The following MFSD2A variants were observed in gnomAD, a reference collection of about 807,000 sequenced individuals.
MFSD2A encodes the protein MFSD2 lysolipid transporter A, lysophospholipid, also known as sodium-dependent lysophosphatidylcholine symporter 1.
MFSD2A carries 27 observed loss-of-function variants against 64.7 expected under a neutral mutation model. The ratio of observed to expected loss-of-function variants is 0.42; its 90% CI spans 0.31 to 0.58. The LOEUF (loss-of-function observed/expected upper bound fraction) is 0.58. Among genes scored for constraint, MFSD2A ranks in the 20% least tolerant of loss-of-function variants. The pLI, the probability that MFSD2A is intolerant of heterozygous loss-of-function variation, is 0.18. For synonymous variants in MFSD2A, 258 were observed against 273.4 expected, an observed-to-expected ratio of 0.94 and a Z score of 0.55; for missense variants, 474 against 679.5, an observed-to-expected ratio of 0.70 and a Z score of 3.36.
Position 39,958,530 on chromosome 1 carries a change from C to A in MFSD2A, c.229-171C>A. 1 of 984,106 alleles carries A rather than the reference C, an allele frequency of 1.0e-6. No homozygotes were observed. 61.0% of individuals were successfully genotyped at this position (984,106 alleles called of 1,614,324 possible). A position where few individuals can be genotyped will look rare whatever the true frequency, so the allele number is the denominator to read the frequency against. On this transcript the variant is annotated intron_variant, in intron 2 of 13. Transcript: ENST00000372811. This position sits in a 1 kb window ranked among gnomAD's most constrained non-coding sequence, Gnocchi z 4.7. ...CAGTGCTACTGTTATTGGAGAAATG[C>A]TATTGTCATTATTAACAAGGCAAGT... is the stretch of plus-strand genomic sequence containing the variant.
At position 39,955,933 on chromosome 1, in the gene MFSD2A, C is replaced by T; in HGVS notation, c.93+548C>T. 5.0e-6 allele frequency: 1 copy of T among 199,432 alleles called. No homozygotes were observed. The highest frequency in any genetic ancestry group is 5.4e-5 in the South Asian group (1 of 18,534). 12.4% of individuals were successfully genotyped at this position (199,432 alleles called of 1,614,324 possible). On this transcript the variant is annotated intron_variant, in intron 1 of 13. Transcript: ENST00000372811. This position sits in a 1 kb window ranked among gnomAD's most constrained non-coding sequence, Gnocchi z 5.9. The stretch of plus-strand genomic sequence containing the variant: ...CTTTGCGCATCGAGACCATCGACCA[C>T]ATCCCCAGCCCTGGGGACTTATTGA...
chr1:39,965,037 G>T lies in MFSD2A; in HGVS notation c.354-174G>T, dbSNP rs761012228. 5.0e-6 allele frequency: 4 copies of T among 805,448 alleles called. No homozygotes were observed. Among genetic ancestry groups the T allele is most frequent in the Non-Finnish European group, 7.6e-6 (4 of 523,324 alleles). 49.9% of individuals were successfully genotyped at this position (805,448 alleles called of 1,614,324 possible). Reference sequence around the variant, plus strand: ...AGTTCCCATCTGCCATTCCGGGCTTGGTCATCAGCCTCTTCCCAGAGGCCC... The same window carrying T: ...AGTTCCCATCTGCCATTCCGGGCTTTGTCATCAGCCTCTTCCCAGAGGCCC... On this transcript the variant is annotated intron_variant, in intron 3 of 13. Transcript: ENST00000372811. This position sits in a 1 kb window ranked among gnomAD's most constrained non-coding sequence, Gnocchi z 5.5.
Position 39,955,172 on chromosome 1 carries a change from C to G in MFSD2A, c.-121C>G. 1 of 762,698 alleles carries G rather than the reference C, an allele frequency of 1.3e-6. No homozygotes were observed. The highest frequency in any genetic ancestry group is 1.8e-6 in the Non-Finnish European group (1 of 546,228). The allele number at this position is 762,698 out of a possible 1,614,324, so 47.2% of individuals were successfully genotyped here. ...AGTGCGTTCCTCGTCTGCCAGCCGG[C>G]TTGGCTAGCGCGCGGCGGCCGTGGC... is the stretch of plus-strand genomic sequence containing the variant. On this transcript the variant is annotated 5_prime_UTR_variant, in exon 1 of 14. Coordinates refer to ENST00000372811, the MANE Select transcript of MFSD2A (RefSeq NM_032793.5). This position sits in a 1 kb window ranked among gnomAD's most constrained non-coding sequence, Gnocchi z 5.9.
chr1:39,966,525 G>C (rs1645164140), intron 6 of MFSD2A, 76 bp from the exon 7 acceptor site: 1 of 1,216,198 alleles, frequency 8.2e-7, no homozygotes. Context: ...AGATCATTGA[G>C]TGGGGCTGCT....
In MFSD2A at chr1:39,963,613, AT is replaced by A. The variant is rs1379760068; in HGVS notation, c.354-1596del. Among the ~76,000 whole-genome samples the A allele has an allele frequency of 6.6e-6, 1 of 152,064 alleles. No homozygotes were observed. Among genetic ancestry groups the A allele is most frequent in the Non-Finnish European group, 1.5e-5 (1 of 68,006 alleles). ...TGTACAGTTCAGTGGCATTAAATAC[AT>A]TCACTTTGGTTTTTTTGTTTTTGTT... On this transcript the variant is annotated intron_variant, in intron 3 of 13. Transcript: ENST00000372811. The surrounding 1 kb of genome is among the most constrained non-coding windows in gnomAD (Gnocchi z 4.2).
intron 1 of MFSD2A, among the ~76,000 whole-genome samples, chr1:39,956,138 C>T (rs1355695965): frequency 6.6e-6 from 1 of 152,226 alleles, no homozygotes; most frequent in Non-Finnish European, 1.5e-5. Context: ...CCCAACCTCC[C>T]TAGTGCCCCA....
At position 39,955,823 on chromosome 1, in the gene MFSD2A, A is replaced by G. The variant is rs1644915672; in HGVS notation, c.93+438A>G. 1 of 336,582 alleles carries G rather than the reference A, an allele frequency of 3.0e-6. No individual in the cohort carries two copies. Among genetic ancestry groups the G allele is most frequent in the Non-Finnish European group, 5.9e-6 (1 of 170,084 alleles). 20.8% of individuals were successfully genotyped at this position (336,582 alleles called of 1,614,324 possible). ...TCTGCTGTTAGGGCCGCTCAAGTTCATTCATAAGAACAAGAGCTCTGCTCT... is the reference window on the plus strand; with the variant it reads ...TCTGCTGTTAGGGCCGCTCAAGTTCGTTCATAAGAACAAGAGCTCTGCTCT... On this transcript the variant is annotated intron_variant, in intron 1 of 13. Transcript: ENST00000372811. This position sits in a 1 kb window ranked among gnomAD's most constrained non-coding sequence, Gnocchi z 5.9.
chr1:39,962,818 C>G (rs1180924331), intron 3 of MFSD2A: 1 of 1,324,842 alleles, frequency 7.5e-7, no homozygotes, highest in East Asian at 2.3e-5. Context: ...ATTAAGGGAT[C>G]TGAGATCATT....
At position 39,965,226 on chromosome 1, in the gene MFSD2A, G is replaced by A. The variant is rs756072572; in HGVS notation, c.369G>A (p.Thr123=). Reference sequence around the variant, plus strand: ...TCTTCCTCAGGATCATCTTCTCCACGCCCCTGGCCGTCATTGCCTACTTCC... The same window carrying A: ...TCTTCCTCAGGATCATCTTCTCCACACCCCTGGCCGTCATTGCCTACTTCC... ...GRLMPWIIFS[T]PLAVIAYFLI... The change falls in exon 4 of 14, where the codon ACG becomes ACA. Residue 123 remains threonine, a synonymous_variant. Transcript: ENST00000372811. The surrounding 1 kb of genome is among the most constrained non-coding windows in gnomAD (Gnocchi z 5.5). 1.5e-5 allele frequency: 24 copies of A among 1,614,004 alleles called. No individual in the cohort carries two copies. Among genetic ancestry groups the A allele is most frequent in the South Asian group, 2.2e-5 (2 of 91,078 alleles).
chr1:39,963,234 A>G lies in MFSD2A; in HGVS notation c.354-1977A>G. 1 of 1,571,518 alleles carries G rather than the reference A, an allele frequency of 6.4e-7. No individual in the cohort carries two copies. Among genetic ancestry groups the G allele is most frequent in the African/African-American group, 1.3e-5 (1 of 74,364 alleles). On this transcript the variant is annotated intron_variant, in intron 3 of 13. Transcript: ENST00000372811. This position sits in a 1 kb window ranked among gnomAD's most constrained non-coding sequence, Gnocchi z 4.2. ...CTGCTACACCTCAGCCCGGGGCTGC[A>G]CTGCCACCCTGGGCAGCTTTGCCAA...
In MFSD2A at chr1:39,955,730, A is replaced by G. The variant is rs1644911887; in HGVS notation, c.93+345A>G. ...CAGAGATGACCCCAGAAATCTGGGA[A>G]ACTCCCCTTGGTTCCCCATCTCTCA... On this transcript the variant is annotated intron_variant, in intron 1 of 13. Transcript: ENST00000372811. The surrounding 1 kb of genome is among the most constrained non-coding windows in gnomAD (Gnocchi z 5.9). 1.9e-6 allele frequency: 1 copy of G among 530,898 alleles called. No individual in the cohort carries two copies. Among genetic ancestry groups the G allele is most frequent in the Non-Finnish European group, 3.6e-6 (1 of 278,028 alleles). The allele number at this position is 530,898 out of a possible 1,614,324, so 32.9% of individuals were successfully genotyped here.
At chr1:39,959,216 C>A (rs1334868429) in intron 3 of MFSD2A, among the ~76,000 whole-genome samples, 4 of 151,494 alleles carry the variant, frequency 2.6e-5, no homozygotes, top group Non-Finnish European at 5.9e-5. Flanking sequence ...TTATTTTTAT[C>A]TTTCTTTCTC....
Position 39,968,782 on chromosome 1 carries a change from C to T in MFSD2A, c.1529+37C>T, listed in dbSNP as rs371661487. On this transcript the variant is annotated intron_variant, in intron 13 of 13. Coordinates refer to ENST00000372811, the MANE Select transcript of MFSD2A (RefSeq NM_032793.5). The surrounding 1 kb of genome is among the most constrained non-coding windows in gnomAD (Gnocchi z 4.4). ...GGGGACAGGATGCTGGAGGAGGGGA[C>T]GTCACTGTGTCTAAACCCTCAATTT... 156 of 1,608,924 alleles carry T rather than the reference C, an allele frequency of 9.7e-5. No homozygotes were observed. Among genetic ancestry groups the T allele is most frequent in the African/African-American group, 5.6e-4 (42 of 74,920 alleles).
rs541048048 is a variant in MFSD2A, at chr1:39,969,340, A to G, written c.1530-165A>G. On this transcript the variant is annotated intron_variant, in intron 13 of 13. Coordinates refer to ENST00000372811, the MANE Select transcript of MFSD2A (RefSeq NM_032793.5). Reference sequence around the variant, plus strand: ...GTACCCTGTGTGCAGCAAGGACAGTAAACAGACCAACCAACAGTTGAAAGT... The same window carrying G: ...GTACCCTGTGTGCAGCAAGGACAGTGAACAGACCAACCAACAGTTGAAAGT... 3.3e-5 allele frequency among the ~76,000 whole-genome samples: 5 copies of G among 152,154 alleles called. No individual in the cohort carries two copies. In the South Asian group the frequency reaches 1.0e-3, roughly 32 times the overall value.
rs1465037870 is a variant in MFSD2A at position 39,968,041 on chromosome 1, G to A, written c.1208+125G>A. 4 of 665,480 alleles carry A rather than the reference G, an allele frequency of 6.0e-6. No homozygotes were observed. The highest frequency in any genetic ancestry group is 1.9e-5 in the South Asian group (1 of 52,712). 41.2% of individuals were successfully genotyped at this position (665,480 alleles called of 1,614,324 possible). A position where few individuals can be genotyped will look rare whatever the true frequency, so the allele number is the denominator to read the frequency against. ...CATTCTGTGGGTCCAGGTTAGGAGT[G>A]GGGGAGGTCTGTCCTGTACAGTTGT... On this transcript the variant is annotated intron_variant, in intron 11 of 13. Coordinates refer to ENST00000372811, the MANE Select transcript of MFSD2A (RefSeq NM_032793.5). The surrounding 1 kb of genome is among the most constrained non-coding windows in gnomAD (Gnocchi z 4.4).
At chr1:39,956,205 C>G (rs2124753698) in intron 1 of MFSD2A, among the ~76,000 whole-genome samples, 1 of 152,316 alleles carries the variant, frequency 6.6e-6, no homozygotes, top group African/African-American at 2.4e-5. Context: ...CCAAGGTCCT[C>G]TAGGAGCTCA....
chr1:39,968,062 G>T lies in MFSD2A; in HGVS notation c.1208+146G>T. Reference sequence around the variant, plus strand: ...GAGTGGGGGAGGTCTGTCCTGTACAGTTGTACAGGTAGTGAGCTTTGCAAG... The same window carrying T: ...GAGTGGGGGAGGTCTGTCCTGTACATTTGTACAGGTAGTGAGCTTTGCAAG... On this transcript the variant is annotated intron_variant, in intron 11 of 13. Transcript: ENST00000372811. The surrounding 1 kb of genome is among the most constrained non-coding windows in gnomAD (Gnocchi z 4.4). 1 of 639,906 alleles carries T rather than the reference G, an allele frequency of 1.6e-6. No homozygotes were observed. The highest frequency in any genetic ancestry group is 2.0e-5 in the South Asian group (1 of 50,832). The allele number at this position is 639,906 out of a possible 1,614,324, so 39.6% of individuals were successfully genotyped here. A position where few individuals can be genotyped will look rare whatever the true frequency, so the allele number is the denominator to read the frequency against.
At position 39,965,060 on chromosome 1, in the gene MFSD2A, C is replaced by A. The variant is rs1197560239; in HGVS notation, c.354-151C>A. On this transcript the variant is annotated intron_variant, in intron 3 of 13. Transcript: ENST00000372811. This position sits in a 1 kb window ranked among gnomAD's most constrained non-coding sequence, Gnocchi z 5.5. ...TTGGTCATCAGCCTCTTCCCAGAGGCCCAGGATGGGTGGATTTGGCAGGAG... is the reference window on the plus strand; with the variant it reads ...TTGGTCATCAGCCTCTTCCCAGAGGACCAGGATGGGTGGATTTGGCAGGAG... 9.2e-7 allele frequency: 1 copy of A among 1,082,890 alleles called. No homozygotes were observed. Among genetic ancestry groups the A allele is most frequent in the East Asian group, 2.6e-5 (1 of 38,642 alleles). The allele number at this position is 1,082,890 out of a possible 1,614,324, so 67.1% of individuals were successfully genotyped here.
chr1:39,962,247 T>C (rs908908292), intron 3 of MFSD2A, among the ~76,000 whole-genome samples: 1 of 152,192 alleles, frequency 6.6e-6, no homozygotes, highest in African/African-American at 2.4e-5. Flanking sequence ...ACCTTTGCAC[T>C]GACTATTCCC....
Sources: allele counts gnomAD v4.1 joint callset (sites outside exome capture counted in the v4.1 genomes callset), GRCh38; gene constraint gnomAD v4.1.1; non-coding constraint Gnocchi (gnomAD v3.1); transcripts MANE v1.5; gene names NCBI Gene and HGNC (gene_info 2026-07-23, HGNC 2026-07-21).